DYNC1LI2: variants seen among roughly 807,000 people sequenced by gnomAD.
DYNC1LI2 encodes dynein cytoplasmic 1 light intermediate chain 2.
In DYNC1LI2, 19 loss-of-function variants were observed where a neutral mutation model predicts 57.8. The observed-to-expected ratio is 0.33, with a 90% CI of 0.23 to 0.48. The LOEUF (loss-of-function observed/expected upper bound fraction) is 0.48. Ranked by LOEUF, DYNC1LI2 falls within the 20% of genes least tolerant of loss-of-function variation. The pLI is 0.99. For missense variants in DYNC1LI2, 470 were observed against 604.2 expected, an observed-to-expected ratio of 0.78 and a Z score of 2.33; for synonymous variants, 256 against 233.4, an observed-to-expected ratio of 1.10 and a Z score of -0.88.
rs2017445616 is a variant in DYNC1LI2, at chr16:66,721,157, T to C, written c.*2565A>G. The C allele has an allele frequency of 6.6e-6, 1 of 152,622 alleles. No individual in the cohort carries two copies. Among genetic ancestry groups the C allele is most frequent in the Non-Finnish European group, 1.5e-5 (1 of 68,044 alleles). 9.5% of individuals were successfully genotyped at this position (152,622 alleles called of 1,614,324 possible). The stretch of plus-strand genomic sequence containing the variant: ...TGTACAGAGCAGTCACTTTCAACTT[T>C]GTTAAATTAATAAAACATGACAATG... On this transcript the variant is annotated 3_prime_UTR_variant, in exon 13 of 13. Transcript: ENST00000258198.
intron 8 of DYNC1LI2, among the ~76,000 whole-genome samples, chr16:66,729,381 G>T (rs756880028): frequency 2.0e-5 from 3 of 152,048 alleles, no homozygotes; most frequent in African/African-American, 7.2e-5. Context: ...CAGAGGCAAC[G>T]GCAGCACTGG....
chr16:66,740,128 G>C (rs189468428), intron 4 of DYNC1LI2, among the ~76,000 whole-genome samples: 1 of 152,250 alleles, frequency 6.6e-6, no homozygotes, highest in East Asian at 1.9e-4. Context: ...ACAAAAAAGC[G>C]CCACCTTCTG....
At chr16:66,729,318 A>G (rs751106374) in intron 8 of DYNC1LI2, among the ~76,000 whole-genome samples, 21 of 152,172 alleles carry the variant, frequency 1.4e-4, no homozygotes, top group Admixed American at 4.6e-4. Flanking sequence ...GGCAGGTTCT[A>G]AACACCTCAG....
At chr16:66,743,380 G>A (rs2017876165) in intron 3 of DYNC1LI2, among the ~76,000 whole-genome samples, 1 of 151,682 alleles carries the variant, frequency 6.6e-6, no homozygotes, top group African/African-American at 2.4e-5. Flanking sequence ...TGGCCAGCAT[G>A]GTAAAACCTG....
intron 4 of DYNC1LI2, among the ~76,000 whole-genome samples, chr16:66,736,572 T>C (rs575423403): frequency 2.1e-4 from 32 of 152,284 alleles, no homozygotes; most frequent in African/African-American, 7.5e-4. Flanking sequence ...AGTGCAGCAG[T>C]CTGATATCAC....
At chr16:66,750,810 G>A (rs1415799378) in intron 2 of DYNC1LI2, among the ~76,000 whole-genome samples, 2 of 152,248 alleles carry the variant, frequency 1.3e-5, no homozygotes, top group East Asian at 3.9e-4. Context: ...CATAATGGAG[G>A]AAACGTCCCC....
chr16:66,736,074 C>T lies in DYNC1LI2; in HGVS notation c.699+1G>A. Reference sequence around the variant, plus strand: ...CAAGCCAACAACCCCCTGGCACACACCTTTGTGCACACCACCAACACCGGG... The same window carrying T: ...CAAGCCAACAACCCCCTGGCACACATCTTTGTGCACACCACCAACACCGGG... On this transcript the variant is annotated splice_donor_variant, in intron 5 of 12. Coordinates refer to ENST00000258198, the MANE Select transcript of DYNC1LI2 (RefSeq NM_006141.3). LOFTEE classifies it high-confidence loss of function. The T allele has an allele frequency of 6.2e-7, 1 of 1,613,912 alleles. No individual in the cohort carries two copies. The highest frequency in any genetic ancestry group is 8.5e-7 in the Non-Finnish European group (1 of 1,179,884).
chr16:66,729,571 GTTT>G (rs11310483), intron 8 of DYNC1LI2, among the ~76,000 whole-genome samples: 30 of 93,692 alleles, frequency 3.2e-4, no homozygotes, highest in South Asian at 8.0e-4. Context: ...TTTCTTTATA[GTTT>G]TTTTTTTTTT....
In DYNC1LI2 at chr16:66,721,342, T is replaced by C. The variant is rs998070927; in HGVS notation, c.*2380A>G. The C allele has an allele frequency of 4.6e-5, 7 of 152,604 alleles. No individual in the cohort carries two copies. Among genetic ancestry groups the C allele is most frequent in the African/African-American group, 9.7e-5 (4 of 41,446 alleles). The allele number at this position is 152,604 out of a possible 1,614,324, so 9.5% of individuals were successfully genotyped here. ...GTGGGCTTTTCTCTGATTTTTTTTT[T>C]TATTTTAAAGACAAAAAGCAGATGT... On this transcript the variant is annotated 3_prime_UTR_variant, in exon 13 of 13. Transcript: ENST00000258198.
intron 8 of DYNC1LI2, 143 bp downstream of exon 8, chr16:66,729,969 T>G: frequency 1.8e-6 from 1 of 566,352 alleles, no homozygotes; most frequent in Non-Finnish European, 3.0e-6. Flanking sequence ...TTAGTGGAGA[T>G]GGGGTTTTGC....
At chr16:66,742,934 G>A (rs1259663559) in intron 3 of DYNC1LI2, among the ~76,000 whole-genome samples, 1 of 151,942 alleles carries the variant, frequency 6.6e-6, no homozygotes, top group Non-Finnish European at 1.5e-5. Flanking sequence ...TGAGGCAGGT[G>A]GATCACTTGA....
rs1422897312 is a variant in DYNC1LI2 at position 66,736,138 on chromosome 16, C to A, written c.636G>T (p.Leu212=). The change falls in exon 5 of 13, where the codon CTG becomes CTT. Residue 212 remains leucine, a synonymous_variant. Coordinates refer to ENST00000258198, the MANE Select transcript of DYNC1LI2 (RefSeq NM_006141.3). ...GAGTCAGCACATTGTCACCCAGAGG[C>A]AGGGCAACATTTTCTTCATCGGAGC... ...TSGSDEENVA[L]PLGDNVLTHN... 4 of 1,614,112 alleles carry A rather than the reference C, an allele frequency of 2.5e-6. No homozygotes were observed. In the South Asian group the frequency reaches 4.4e-5, roughly 18 times the overall value.
intron 6 of DYNC1LI2, 69 bp downstream of exon 6, chr16:66,734,149 A>C (rs2017687303): frequency 6.8e-7 from 1 of 1,466,974 alleles, no homozygotes; most frequent in Non-Finnish European, 9.5e-7. Flanking sequence ...GAGGTGCTTT[A>C]TCTCTTTGAA....
intron 4 of DYNC1LI2, among the ~76,000 whole-genome samples, chr16:66,737,791 G>C (rs955155238): frequency 1.4e-4 from 22 of 152,310 alleles, no homozygotes; most frequent in African/African-American, 5.1e-4. Flanking sequence ...AGGTGACAAT[G>C]GTCCGAGCCT....
chr16:66,741,565 G>C (rs552428681), intron 4 of DYNC1LI2, among the ~76,000 whole-genome samples: 13 of 152,320 alleles, frequency 8.5e-5, no homozygotes, highest in Admixed American at 7.2e-4. Context: ...CTGCCAGTAA[G>C]TGTGAAGATC....
chr16:66,732,690 A>T (rs148787347), intron 6 of DYNC1LI2: 128 of 400,766 alleles, frequency 3.2e-4, no homozygotes, highest in African/African-American at 2.3e-3. Flanking sequence ...TAAAAAGGTC[A>T]TAGTAGCAGA....
At chr16:66,744,095 C>T (rs555335481) in intron 3 of DYNC1LI2, among the ~76,000 whole-genome samples, 13 of 152,242 alleles carry the variant, frequency 8.5e-5, no homozygotes, top group East Asian at 7.7e-4. Flanking sequence ...TTTGAGACAG[C>T]GTCTGAGACA....
chr16:66,748,893 C>G (rs2017988858), intron 3 of DYNC1LI2, among the ~76,000 whole-genome samples: 1 of 152,158 alleles, frequency 6.6e-6, no homozygotes, highest in South Asian at 2.1e-4. Flanking sequence ...TATAAAACTC[C>G]AAAGCTTTAA....
In DYNC1LI2 at chr16:66,734,838, A is replaced by T. The variant is rs183943568; in HGVS notation, c.700-527T>A. On this transcript the variant is annotated intron_variant, in intron 5 of 12. Transcript: ENST00000258198. ...ATGGAGAAACCCACATCTCTAATAA[A>T]AATACAAAATTAGCCAGGCATGGTG... is the stretch of plus-strand genomic sequence containing the variant. Among the ~76,000 whole-genome samples, 312 of 151,648 alleles carry T rather than the reference A, an allele frequency of 2.1e-3. 2 individuals are homozygous for T. Among genetic ancestry groups the T allele is most frequent in the African/African-American group, 7.2e-3 (299 of 41,402 alleles).
Sources: gnomAD v4.1 joint callset for allele counts (sites outside exome capture counted in the v4.1 genomes callset) on GRCh38, gnomAD v4.1.1 for gene constraint, MANE v1.5 for transcripts, NCBI Gene and HGNC (gene_info 2026-07-23, HGNC 2026-07-21) for gene names.